Variants in MECOM observed in about 807,000 individuals in gnomAD.
MECOM encodes histone-lysine N-methyltransferase MECOM.
A neutral mutation model predicts 116.3 loss-of-function variants in MECOM; 13 were observed. The ratio of observed to expected loss-of-function variants is 0.11; its 90% CI spans 0.07 to 0.18. The LOEUF is 0.18. Ranked by LOEUF, MECOM falls within the 10% of genes least tolerant of loss-of-function variation. The pLI, the probability that MECOM is intolerant of heterozygous loss-of-function variation, is 1.00. For missense variants in MECOM, 1,299 were observed against 1,509.0 expected (o/e 0.86, Z 2.31); for synonymous variants, 528 against 535.2 (o/e 0.99, Z 0.19).
intron 1 of MECOM, among the ~76,000 whole-genome samples, chr3:169,615,769 A>G (rs1405000236): frequency 2.6e-5 from 4 of 152,242 alleles, no homozygotes; most frequent in African/African-American, 9.6e-5. Context: ...TCTTCCAAAG[A>G]TGGTTACCCT....
At chr3:169,656,984 T>C (rs1775615742) in intron 1 of MECOM, among the ~76,000 whole-genome samples, 1 of 152,194 alleles carries the variant, frequency 6.6e-6, no homozygotes, top group Non-Finnish European at 1.5e-5. Flanking sequence ...AAGTGAAATA[T>C]GAAGATAATA....
chr3:169,202,819 C>CAAAAA (rs11287862), intron 2 of MECOM, among the ~76,000 whole-genome samples: 3 of 90,270 alleles, frequency 3.3e-5, no homozygotes, highest in Non-Finnish European at 4.6e-5. Context: ...TTGCCATTAG[C>CAAAAA]AAAAAAAAAA....
rs371794373 is a variant in MECOM, at chr3:169,482,281, G to T, written c.38-100757C>A. Among the ~76,000 whole-genome samples, 115 of 152,096 alleles carry T rather than the reference G, an allele frequency of 7.6e-4. 2 individuals are homozygous for T. In the South Asian group the frequency reaches 0.014, roughly 19 times the overall value. On this transcript the variant is annotated intron_variant, in intron 1 of 16. Coordinates refer to ENST00000651503, the MANE Select transcript of MECOM (RefSeq NM_004991.4). ...GTACTCGCCTGTGTCATTCACCATG[G>T]GGAGGAGCACTGCAGAGCTCTGTTA...
chr3:169,432,605 G>T lies in MECOM; in HGVS notation c.38-51081C>A, dbSNP rs533744796. Among the ~76,000 whole-genome samples, 19 of 152,258 alleles carry T rather than the reference G, an allele frequency of 1.2e-4. 1 individual carries two copies. The East Asian group carries it at 1.4e-3, about 11-fold the overall frequency. ...TACAGAAAACATTTAAAATATGAAG[G>T]TTCATCATGTGGATAAATTATTTCA... On this transcript the variant is annotated intron_variant, in intron 1 of 16. Coordinates refer to ENST00000651503, the MANE Select transcript of MECOM (RefSeq NM_004991.4).
At chr3:169,210,664 CTGA>C (rs1384885767) in intron 2 of MECOM, among the ~76,000 whole-genome samples, 1 of 152,112 alleles carries the variant, frequency 6.6e-6, no homozygotes, top group African/African-American at 2.4e-5. Context: ...ATTAAGTAGG[CTGA>C]TAACTTTTGA....
intron 2 of MECOM, among the ~76,000 whole-genome samples, chr3:169,176,854 CAT>C (rs1229375328): frequency 2.0e-5 from 3 of 152,052 alleles, no homozygotes; most frequent in South Asian, 2.1e-4. Flanking sequence ...GGCCAACAAA[CAT>C]ATGAAAAAAA....
At chr3:169,548,788 T>C (rs1448691565) in intron 1 of MECOM, among the ~76,000 whole-genome samples, 2 of 152,200 alleles carry the variant, frequency 1.3e-5, no homozygotes, top group African/African-American at 4.8e-5. Context: ...AGCTCTGTTT[T>C]ATTCTGTGCT....
intron 1 of MECOM, among the ~76,000 whole-genome samples, chr3:169,630,106 T>C (rs1159726001): frequency 2.0e-5 from 3 of 152,250 alleles, no homozygotes; most frequent in Middle Eastern, 3.4e-3. Flanking sequence ...GAAAGAAACA[T>C]GCCTTCTCTC....
chr3:169,234,873 G>T (rs1753845604), intron 2 of MECOM, among the ~76,000 whole-genome samples: 1 of 152,076 alleles, frequency 6.6e-6, no homozygotes, highest in African/African-American at 2.4e-5. Context: ...GGTTCCCAGA[G>T]GAATTAAAAT....
chr3:169,273,782 A>G (rs1390183229), intron 2 of MECOM, among the ~76,000 whole-genome samples: 3 of 152,068 alleles, frequency 2.0e-5, no homozygotes, highest in Non-Finnish European at 4.4e-5. Flanking sequence ...CTTACTGGCA[A>G]TTTAGCTCTT....
At chr3:169,147,726 G>GTA in intron 2 of MECOM, 1 of 980,886 alleles carries the variant, frequency 1.0e-6, no homozygotes, top group Non-Finnish European at 1.2e-6. Flanking sequence ...GTGTGTGTGT[G>GTA]TGTGTGTGCG....
chr3:169,209,332 A>G (rs1750392740), intron 2 of MECOM, among the ~76,000 whole-genome samples: 3 of 152,152 alleles, frequency 2.0e-5, no homozygotes, highest in Admixed American at 6.5e-5. Flanking sequence ...AAGCAATTGC[A>G]AAAAAAGCCA....
rs76131605 is a variant in MECOM, at chr3:169,227,160, T to C, written c.376-83328A>G. Among the ~76,000 whole-genome samples, 1,330 of 152,240 alleles carry C rather than the reference T, an allele frequency of 8.7e-3. 19 individuals carry two copies. The highest frequency in any genetic ancestry group is 0.031 in the African/African-American group (1,269 of 41,534). On this transcript the variant is annotated intron_variant, in intron 2 of 16. Transcript: ENST00000651503. ...GAGAGCAGGCCCAGATTGTACACAG[T>C]ACTAATATTAGCAAGAGCTCACTAA...
intron 2 of MECOM, among the ~76,000 whole-genome samples, chr3:169,323,028 C>G (rs1354028383): frequency 9.1e-6 from 1 of 109,452 alleles, no homozygotes; most frequent in Non-Finnish European, 1.8e-5. Context: ...AAAAAAAAAG[C>G]AGCAGCAACA....
intron 2 of MECOM, among the ~76,000 whole-genome samples, chr3:169,163,845 C>G (rs1743192335): frequency 6.6e-6 from 1 of 152,150 alleles, no homozygotes; most frequent in South Asian, 2.1e-4. Context: ...GACCCCTAAT[C>G]TCAGTTTAGT....
rs561532374 is a variant in MECOM, at chr3:169,442,192, C to T, written c.38-60668G>A. 3.3e-5 allele frequency among the ~76,000 whole-genome samples: 5 copies of T among 152,298 alleles called. No homozygotes were observed. The South Asian group carries it at 1.0e-3, about 32-fold the overall frequency. On this transcript the variant is annotated intron_variant, in intron 1 of 16. Coordinates refer to ENST00000651503, the MANE Select transcript of MECOM (RefSeq NM_004991.4). Reference sequence around the variant, plus strand: ...CCACCCACCTCAGCCTCCAAAAGTGCTGGGATTACAGGCATGAGCCACCAT... The same window carrying T: ...CCACCCACCTCAGCCTCCAAAAGTGTTGGGATTACAGGCATGAGCCACCAT...
intron 2 of MECOM, among the ~76,000 whole-genome samples, chr3:169,268,439 C>G (rs1335093745): frequency 6.6e-6 from 1 of 152,154 alleles, no homozygotes; most frequent in Non-Finnish European, 1.5e-5. Flanking sequence ...CTTTAGCAGT[C>G]CCTTCTTATA....
At chr3:169,189,095 A>T (rs1747167859) in intron 2 of MECOM, among the ~76,000 whole-genome samples, 1 of 152,138 alleles carries the variant, frequency 6.6e-6, no homozygotes, top group Non-Finnish European at 1.5e-5. Flanking sequence ...ATCCTAGAAC[A>T]ACATATATTT....
intron 12 of MECOM, among the ~76,000 whole-genome samples, chr3:169,096,711 A>AC (rs1213679389): frequency 2.6e-5 from 4 of 152,110 alleles, no homozygotes; most frequent in Non-Finnish European, 5.9e-5. Flanking sequence ...AAGTCACCCC[A>AC]TTCCACTAGA....
Sources: allele counts gnomAD v4.1 joint callset (sites outside exome capture counted in the v4.1 genomes callset), GRCh38; gene constraint gnomAD v4.1.1; transcripts MANE v1.5; gene names NCBI Gene and HGNC (gene_info 2026-07-23, HGNC 2026-07-21).